Variants in RSPO2 observed in about 807,000 individuals in gnomAD.
RSPO2 encodes the protein R-spondin-2.
A neutral mutation model predicts 30.9 loss-of-function variants in RSPO2; 14 were observed. That is an observed-to-expected ratio of 0.45 (90% confidence interval 0.30 to 0.71). The LOEUF (loss-of-function observed/expected upper bound fraction) is 0.71, where lower values mean the gene tolerates loss of function less well. RSPO2 is among the 30% of genes least tolerant of loss of function. RSPO2 has a pLI of 0.08. For synonymous variants in RSPO2, 107 were observed against 96.4 expected (o/e 1.11, Z -0.64); for missense variants, 264 against 301.9 (o/e 0.87, Z 0.93).
chr8:108,059,018 A>C (rs1216815487), intron 2 of RSPO2, among the ~76,000 whole-genome samples: 1 of 151,858 alleles, frequency 6.6e-6, no homozygotes, highest in Non-Finnish European at 1.5e-5. Flanking sequence ...TAAACTCAAG[A>C]GCTTCTGCAC....
At chr8:107,977,521 A>G (rs1156343879) in intron 3 of RSPO2, among the ~76,000 whole-genome samples, 1 of 152,168 alleles carries the variant, frequency 6.6e-6, no homozygotes, top group African/African-American at 2.4e-5. Context: ...AATGATGGAG[A>G]TGGGATAATG....
intron 2 of RSPO2, among the ~76,000 whole-genome samples, chr8:108,011,384 C>T (rs996384860): frequency 2.0e-5 from 3 of 151,964 alleles, no homozygotes; most frequent in Non-Finnish European, 4.4e-5. Context: ...AAAATATTAA[C>T]AGTGATTACT....
intron 5 of RSPO2, among the ~76,000 whole-genome samples, chr8:107,902,697 T>C (rs1811517413): frequency 6.6e-6 from 1 of 152,108 alleles, no homozygotes. Flanking sequence ...TTCAAGACCC[T>C]AGCACAGTGA....
intron 2 of RSPO2, among the ~76,000 whole-genome samples, chr8:108,000,487 G>C (rs1392202234): frequency 6.6e-6 from 1 of 152,096 alleles, no homozygotes; most frequent in African/African-American, 2.4e-5. Flanking sequence ...AAATATTTTT[G>C]TGGGGGACAC....
At chr8:108,040,795 C>T (rs918115521) in intron 2 of RSPO2, among the ~76,000 whole-genome samples, 1 of 151,980 alleles carries the variant, frequency 6.6e-6, no homozygotes, top group Non-Finnish European at 1.5e-5. Flanking sequence ...TGAAATTTGG[C>T]AAAGGGTGGA....
At chr8:108,032,444 G>A (rs1811452732) in intron 2 of RSPO2, among the ~76,000 whole-genome samples, 1 of 152,040 alleles carries the variant, frequency 6.6e-6, no homozygotes, top group Admixed American at 6.5e-5. Context: ...ATGGATAAAT[G>A]GCTTTACTTA....
At chr8:108,032,023 T>C (rs1444780894) in intron 2 of RSPO2, among the ~76,000 whole-genome samples, 3 of 152,180 alleles carry the variant, frequency 2.0e-5, no homozygotes, top group Non-Finnish European at 2.9e-5. Flanking sequence ...GTACAGATTG[T>C]AGCTACAGCT....
intron 2 of RSPO2, among the ~76,000 whole-genome samples, chr8:108,043,844 A>G (rs1437543179): frequency 1.3e-5 from 2 of 152,158 alleles, no homozygotes; most frequent in Admixed American, 6.6e-5. Context: ...TGAAAGAGTT[A>G]CTTGTGCAAA....
rs1216923541 is a variant in RSPO2 at position 107,969,384 on chromosome 8, C to T, written c.284-8567G>A. 3.3e-5 allele frequency among the ~76,000 whole-genome samples: 5 copies of T among 152,216 alleles called. No individual in the cohort carries two copies. The East Asian group carries it at 9.7e-4, about 29-fold the overall frequency. ...AAGTATTTAACTTGAAGTGTCACAA[C>T]AGTTCACTTTTTAAAAACTCCAAAT... On this transcript the variant is annotated intron_variant, in intron 3 of 5. Coordinates refer to ENST00000276659, the MANE Select transcript of RSPO2 (RefSeq NM_178565.5).
intron 3 of RSPO2, among the ~76,000 whole-genome samples, chr8:107,986,173 A>G (rs1162352698): frequency 6.6e-6 from 1 of 152,218 alleles, no homozygotes; most frequent in Non-Finnish European, 1.5e-5. Context: ...TAAAATACAA[A>G]TATCAATGCA....
At chr8:107,975,633 C>T (rs971598239) in intron 3 of RSPO2, among the ~76,000 whole-genome samples, 3 of 152,200 alleles carry the variant, frequency 2.0e-5, no homozygotes. Flanking sequence ...CCCCATGCCA[C>T]CTGGGACATT....
intron 2 of RSPO2, among the ~76,000 whole-genome samples, chr8:108,025,695 T>A (rs536486879): frequency 2.2e-4 from 33 of 151,984 alleles, no homozygotes; most frequent in Non-Finnish European, 4.1e-4. Flanking sequence ...TTGGCTGATT[T>A]TTTTTTTAAA....
At chr8:107,945,385 A>C (rs1813029266) in intron 5 of RSPO2, among the ~76,000 whole-genome samples, 1 of 151,070 alleles carries the variant, frequency 6.6e-6, no homozygotes, top group Non-Finnish European at 1.5e-5. Flanking sequence ...AGTAGCTGAG[A>C]CTACAGGCAT....
At chr8:108,028,647 C>T (rs1351503274) in intron 2 of RSPO2, among the ~76,000 whole-genome samples, 3 of 152,198 alleles carry the variant, frequency 2.0e-5, no homozygotes, top group Non-Finnish European at 2.9e-5. Flanking sequence ...GTTACAGAAG[C>T]TGGCCTCCAT....
intron 3 of RSPO2, among the ~76,000 whole-genome samples, chr8:107,962,120 T>C (rs1356841769): frequency 2.0e-5 from 3 of 152,188 alleles, no homozygotes; most frequent in East Asian, 1.9e-4. Flanking sequence ...ATCACATGTA[T>C]TCATTTTACA....
chr8:108,080,458 T>A (rs1485470622), intron 2 of RSPO2, among the ~76,000 whole-genome samples: 1 of 152,214 alleles, frequency 6.6e-6, no homozygotes, highest in Non-Finnish European at 1.5e-5. Context: ...AATTTAGAGT[T>A]AGACTGTCAG....
At chr8:108,028,639 T>TA (rs1230689307) in intron 2 of RSPO2, among the ~76,000 whole-genome samples, 1 of 152,222 alleles carries the variant, frequency 6.6e-6, no homozygotes, top group Non-Finnish European at 1.5e-5. Context: ...TCTGAAGTGT[T>TA]ACAGAAGCTG....
At chr8:108,006,905 TTG>T (rs1339428297) in intron 2 of RSPO2, among the ~76,000 whole-genome samples, 1 of 152,198 alleles carries the variant, frequency 6.6e-6, no homozygotes, top group Non-Finnish European at 1.5e-5. Flanking sequence ...CATAATTGTT[TTG>T]GTGAACTGTT....
At chr8:107,927,380 C>A (rs1812414299) in intron 5 of RSPO2, among the ~76,000 whole-genome samples, 1 of 152,212 alleles carries the variant, frequency 6.6e-6, no homozygotes, top group African/African-American at 2.4e-5. Flanking sequence ...TAATTGAATA[C>A]CCTTTATTTC....
Sources: gnomAD v4.1 joint callset for allele counts (sites outside exome capture counted in the v4.1 genomes callset) on GRCh38, gnomAD v4.1.1 for gene constraint, MANE v1.5 for transcripts, NCBI Gene and HGNC (gene_info 2026-07-23, HGNC 2026-07-21) for gene names.